The following FRMD4B variants were observed in gnomAD, a reference collection of about 807,000 sequenced individuals.
The protein encoded by FRMD4B is FERM domain containing 4B, also known as FERM domain-containing protein 4B.
FRMD4B carries 74 observed loss-of-function variants against 141.5 expected under a neutral mutation model. The ratio of observed to expected loss-of-function variants is 0.52; its 90% CI spans 0.43 to 0.63. FRMD4B has a LOEUF of 0.63. Among genes scored for constraint, FRMD4B ranks in the 30% least tolerant of loss-of-function variants. The pLI is 0.00. For missense variants in FRMD4B, 1,366 were observed against 1,253.4 expected, an observed-to-expected ratio of 1.09 and a Z score of -1.36; for synonymous variants, 506 against 467.9, an observed-to-expected ratio of 1.08 and a Z score of -1.05.
chr3:69,358,271 C>T (rs1703381697), intron 1 of FRMD4B, among the ~76,000 whole-genome samples: 2 of 152,196 alleles, frequency 1.3e-5, no homozygotes, highest in Admixed American at 6.5e-5. Flanking sequence ...TGTAGGCCCA[C>T]AGGATTCAGT....
At position 69,524,337 on chromosome 3, in the gene FRMD4B, A is replaced by T. The variant is rs993559369; in HGVS notation, c.-129+17869T>A. 3.3e-5 allele frequency among the ~76,000 whole-genome samples: 5 copies of T among 152,170 alleles called. No homozygotes were observed. The East Asian group carries it at 9.6e-4, about 29-fold the overall frequency. On this transcript the variant is annotated intron_variant, in intron 1 of 5. Transcript: ENST00000459638. ...CAGAAGAGGTTTAGATTTGTTTCTT[A>T]CTCTATGTCACCCAGTTGTTAAGTC... is the stretch of plus-strand genomic sequence containing the variant.
intron 7 of FRMD4B, among the ~76,000 whole-genome samples, chr3:69,224,974 T>C (rs1218789475): frequency 2.0e-5 from 3 of 152,222 alleles, no homozygotes; most frequent in Non-Finnish European, 4.4e-5. Flanking sequence ...ATTCTTCACA[T>C]TTCATTATCC....
rs561754211 is a variant in FRMD4B at position 69,534,500 on chromosome 3, T to C, written c.-129+7706A>G. On this transcript the variant is annotated intron_variant, in intron 1 of 5. Coordinates refer to the FRMD4B transcript ENST00000459638. ...GTAGCTGGATTAGAAGACATCTAAGTCCAGTGCTCCTGAACTGTATCTGTG... is the reference window on the plus strand; with the variant it reads ...GTAGCTGGATTAGAAGACATCTAAGCCCAGTGCTCCTGAACTGTATCTGTG... Among the ~76,000 whole-genome samples the C allele has an allele frequency of 2.6e-5, 4 of 152,330 alleles. No individual in the cohort carries two copies. The South Asian group carries it at 8.3e-4, about 32-fold the overall frequency.
At chr3:69,482,752 G>C (rs1706148727) in intron 1 of FRMD4B, among the ~76,000 whole-genome samples, 1 of 152,192 alleles carries the variant, frequency 6.6e-6, no homozygotes, top group South Asian at 2.1e-4. Flanking sequence ...TGGGGCTTGT[G>C]CCACTGCCTG....
chr3:69,239,054 G>A (rs765318310), intron 7 of FRMD4B, among the ~76,000 whole-genome samples: 6 of 152,110 alleles, frequency 3.9e-5, no homozygotes, highest in Non-Finnish European at 8.8e-5. Context: ...CAACTCTAAG[G>A]GCTTATAATA....
intron 12 of FRMD4B, chr3:69,197,721 T>C (rs991849247): frequency 6.6e-6 from 1 of 152,258 alleles, no homozygotes; most frequent in Non-Finnish European, 1.5e-5. Flanking sequence ...TAATGTTCTT[T>C]GTAGGAATTT....
intron 2 of FRMD4B, among the ~76,000 whole-genome samples, chr3:69,399,345 T>C (rs1704521833): frequency 6.6e-6 from 1 of 152,206 alleles, no homozygotes; most frequent in African/African-American, 2.4e-5. Flanking sequence ...AGCCCTTCCA[T>C]TTCATTCACT....
In FRMD4B at chr3:69,171,875, C is replaced by T. The variant is rs765289548; in HGVS notation, c.3091G>A (p.Gly1031Arg). 6 of 1,613,704 alleles carry T rather than the reference C, an allele frequency of 3.7e-6. No individual in the cohort carries two copies. The highest frequency in any genetic ancestry group is 5.1e-6 in the Non-Finnish European group (6 of 1,179,662). The stretch of plus-strand genomic sequence containing the variant: ...CCAACTGCAGTTCAGACTAATGTTC[C>T]AGGCTTTGAATCTTCATGCCAAAAG... ...RLFWHEDSKP[G>R]TLV Residue 1031 changes from glycine to arginine, a missense_variant, in exon 23 of 23, where the codon GGA (glycine) becomes AGA (arginine). Coordinates refer to ENST00000398540, the MANE Select transcript of FRMD4B (RefSeq NM_015123.3).
intron 11 of FRMD4B, 51 bp downstream of exon 11, chr3:69,216,212 A>T: frequency 1.0e-6 from 1 of 965,430 alleles, no homozygotes; most frequent in South Asian, 1.4e-5. Flanking sequence ...CTATGTTGTG[A>T]TTAACATGTT....
intron 19 of FRMD4B, among the ~76,000 whole-genome samples, chr3:69,184,969 G>A (rs903514986): frequency 3.3e-5 from 5 of 152,178 alleles, no homozygotes; most frequent in Admixed American, 1.3e-4. Flanking sequence ...AACTGGGGCC[G>A]ATATGTGATA....
chr3:69,187,605 T>C (rs1297491454), intron 19 of FRMD4B, among the ~76,000 whole-genome samples, 165 bp downstream of exon 19: 1 of 149,652 alleles, frequency 6.7e-6, no homozygotes, highest in East Asian at 1.9e-4. Context: ...ATTCATTTGC[T>C]GTGAACAACA....
chr3:69,229,409 G>A (rs577976002), intron 7 of FRMD4B, among the ~76,000 whole-genome samples: 108 of 152,156 alleles, frequency 7.1e-4, no homozygotes, highest in Non-Finnish European at 1.4e-3. Context: ...AAATCTGGTC[G>A]TTTGTACTAT....
rs762973762 is a variant in FRMD4B, at chr3:69,181,549, C to T, written c.2201G>A (p.Ser734Asn). 6.8e-5 allele frequency: 110 copies of T among 1,613,768 alleles called. No homozygotes were observed. In the Admixed American group the frequency reaches 1.8e-3, roughly 27 times the overall value. Residue 734 changes from serine (S) to asparagine (N), a missense_variant, in exon 21 of 23, where the codon AGC (serine) becomes AAC (asparagine). Transcript: ENST00000398540. The stretch of plus-strand genomic sequence containing the variant: ...ACAGTAATACTCTGTGCTTGATTGG[C>T]TTGTATAAGAAGACCCGTCATCGAG... ...EILDDGSSYTSQSSTEYYCVT... is the reference protein window; with the variant it reads ...EILDDGSSYTNQSSTEYYCVT...
At chr3:69,264,453 G>A (rs1412615440) in intron 5 of FRMD4B, among the ~76,000 whole-genome samples, 1 of 152,176 alleles carries the variant, frequency 6.6e-6, no homozygotes, top group African/African-American at 2.4e-5. Flanking sequence ...AATGCTTCTT[G>A]TGTTTCGTGA....
chr3:69,540,826 G>A (rs1270357834), intron 1 of FRMD4B, among the ~76,000 whole-genome samples: 1 of 151,590 alleles, frequency 6.6e-6, no homozygotes, highest in Non-Finnish European at 1.5e-5. Flanking sequence ...CAGATTACTG[G>A]TGGGACTTCC....
intron 4 of FRMD4B, among the ~76,000 whole-genome samples, chr3:69,294,600 T>C (rs1044540465): frequency 6.6e-6 from 1 of 152,220 alleles, no homozygotes; most frequent in Admixed American, 6.5e-5. Context: ...GGTAAGCCTG[T>C]AGAAACCTGC....
chr3:69,370,586 A>G lies in FRMD4B; in HGVS notation c.162+15242T>C, dbSNP rs140117810. 1.0e-3 allele frequency among the ~76,000 whole-genome samples: 153 copies of G among 152,394 alleles called. 1 individual carries two copies. The highest frequency in any genetic ancestry group is 3.6e-3 in the African/African-American group (148 of 41,600). ...CTTACACTGGCGTGGGCTATTTTCA[A>G]TAATGAAAAAGAATAAACCCACACA... On this transcript the variant is annotated intron_variant, in intron 1 of 22. Transcript: ENST00000398540.
At chr3:69,316,691 T>C (rs1313152690) in intron 1 of FRMD4B, among the ~76,000 whole-genome samples, 1 of 152,196 alleles carries the variant, frequency 6.6e-6, no homozygotes, top group Non-Finnish European at 1.5e-5. Flanking sequence ...ATCCTAGGTG[T>C]AGGCCCTACA....
chr3:69,462,898 A>C (rs1393375530), intron 1 of FRMD4B, among the ~76,000 whole-genome samples: 1 of 152,202 alleles, frequency 6.6e-6, no homozygotes, highest in Non-Finnish European at 1.5e-5. Flanking sequence ...ACACCCCTGG[A>C]AGACCATGTA....
Sources: allele counts gnomAD v4.1 joint callset (sites outside exome capture counted in the v4.1 genomes callset), GRCh38; gene constraint gnomAD v4.1.1; transcripts MANE v1.5; gene names NCBI Gene and HGNC (gene_info 2026-07-23, HGNC 2026-07-21).